Variants in ANKS1B observed in about 807,000 individuals in gnomAD.
ANKS1B encodes the protein ankyrin repeat and sterile alpha motif domain-containing protein 1B.
In ANKS1B, 36 loss-of-function variants were observed where a neutral mutation model predicts 148.3. That is an observed-to-expected ratio of 0.24 (90% CI 0.19 to 0.32). The LOEUF is 0.32. Ranked by LOEUF, ANKS1B falls within the 10% of genes least tolerant of loss-of-function variation. ANKS1B has a pLI of 1.00. For missense variants in ANKS1B, 1,157 were observed against 1,542.6 expected, an observed-to-expected ratio of 0.75 and a Z score of 4.19; for synonymous variants, 542 against 560.8, an observed-to-expected ratio of 0.97 and a Z score of 0.47.
intron 1 of ANKS1B, among the ~76,000 whole-genome samples, chr12:99,874,322 T>C (rs2091863077): frequency 6.6e-6 from 1 of 152,090 alleles, no homozygotes; most frequent in Admixed American, 6.6e-5. Flanking sequence ...TATATTGAGT[T>C]TACCATAATA....
intron 8 of ANKS1B, among the ~76,000 whole-genome samples, chr12:99,683,637 AC>A (rs1164532920): frequency 6.6e-6 from 1 of 152,168 alleles, no homozygotes; most frequent in Non-Finnish European, 1.5e-5. Context: ...AGCCAGTATC[AC>A]CCTAATACCA....
At chr12:98,938,814 G>A (rs2099827684) in intron 17 of ANKS1B, among the ~76,000 whole-genome samples, 2 of 152,218 alleles carry the variant, frequency 1.3e-5, no homozygotes, top group Non-Finnish European at 2.9e-5. Flanking sequence ...CTGAGCAGAG[G>A]ATGAAATTGG....
chr12:98,813,532 G>GTT (rs556740074), intron 19 of ANKS1B, among the ~76,000 whole-genome samples: 2 of 141,572 alleles, frequency 1.4e-5, no homozygotes, highest in Admixed American at 7.0e-5. Flanking sequence ...TTTAAGTTTT[G>GTT]TTTTTTTTTT....
intron 16 of ANKS1B, among the ~76,000 whole-genome samples, chr12:99,070,810 T>C (rs1408024538): frequency 1.3e-5 from 2 of 152,172 alleles, no homozygotes; most frequent in Non-Finnish European, 2.9e-5. Context: ...AGTATAGGTG[T>C]GTACCACCAT....
intron 16 of ANKS1B, among the ~76,000 whole-genome samples, chr12:99,068,943 C>G (rs1241772717): frequency 2.0e-5 from 3 of 152,210 alleles, no homozygotes; most frequent in Non-Finnish European, 4.4e-5. Flanking sequence ...TTTAGCTCTT[C>G]TCTCCTCTTG....
At chr12:99,420,119 C>T (rs2095038655) in intron 11 of ANKS1B, among the ~76,000 whole-genome samples, 1 of 152,174 alleles carries the variant, frequency 6.6e-6, no homozygotes, top group African/African-American at 2.4e-5. Context: ...CAAAGATACT[C>T]AGTAACTATT....
intron 17 of ANKS1B, among the ~76,000 whole-genome samples, chr12:98,875,642 T>C (rs2099687057): frequency 6.6e-6 from 1 of 152,162 alleles, no homozygotes; most frequent in Admixed American, 6.5e-5. Context: ...TTCTACTCTA[T>C]CTATAAATGG....
At chr12:99,916,755 G>A (rs1465857720) in intron 1 of ANKS1B, among the ~76,000 whole-genome samples, 3 of 152,144 alleles carry the variant, frequency 2.0e-5, no homozygotes, top group Non-Finnish European at 2.9e-5. Flanking sequence ...AGCTAAATAC[G>A]TTGGTGCAAG....
intron 17 of ANKS1B, among the ~76,000 whole-genome samples, chr12:98,915,620 T>C (rs1201630913): frequency 6.6e-6 from 1 of 152,188 alleles, no homozygotes; most frequent in East Asian, 1.9e-4. Flanking sequence ...CTCATAGTGC[T>C]GGGATTACAG....
intron 22 of ANKS1B, among the ~76,000 whole-genome samples, chr12:98,798,484 A>T (rs2098970994): frequency 6.8e-6 from 1 of 146,458 alleles, no homozygotes; most frequent in Admixed American, 6.8e-5. Flanking sequence ...AGTTGAATTT[A>T]AAAAAATAAA....
At chr12:99,016,547 T>G (rs992761877) in intron 17 of ANKS1B, among the ~76,000 whole-genome samples, 1 of 152,210 alleles carries the variant, frequency 6.6e-6, no homozygotes, top group East Asian at 1.9e-4. Flanking sequence ...TTTCAGCTAC[T>G]TGGGAGGCTG....
chr12:99,215,806 G>C (rs1228721666), intron 14 of ANKS1B, among the ~76,000 whole-genome samples: 1 of 152,182 alleles, frequency 6.6e-6, no homozygotes, highest in Non-Finnish European at 1.5e-5. Flanking sequence ...GAAGAGACTT[G>C]GCTTGTCTCA....
At chr12:99,931,276 G>A (rs1419126659) in intron 1 of ANKS1B, among the ~76,000 whole-genome samples, 1 of 151,960 alleles carries the variant, frequency 6.6e-6, no homozygotes, top group African/African-American at 2.4e-5. Context: ...CACCAACGTG[G>A]CACATGTATA....
intron 9 of ANKS1B, among the ~76,000 whole-genome samples, chr12:99,564,812 C>T (rs2097372324): frequency 1.3e-5 from 2 of 152,096 alleles, no homozygotes; most frequent in Non-Finnish European, 2.9e-5. Context: ...AAATTAATTA[C>T]ATTCATTACC....
At chr12:98,747,326 C>T (rs546101595) in intron 26 of ANKS1B, among the ~76,000 whole-genome samples, 4 of 152,304 alleles carry the variant, frequency 2.6e-5, no homozygotes, top group South Asian at 2.1e-4. Flanking sequence ...GACATACAAA[C>T]GGCCAACAGG....
At chr12:99,606,354 A>G (rs2097851526) in intron 9 of ANKS1B, among the ~76,000 whole-genome samples, 1 of 151,898 alleles carries the variant, frequency 6.6e-6, no homozygotes, top group African/African-American at 2.4e-5. Flanking sequence ...CCTCACAAAG[A>G]GTTGTTTCCT....
At chr12:99,245,516 G>A (rs2090094730) in intron 13 of ANKS1B, among the ~76,000 whole-genome samples, 1 of 152,206 alleles carries the variant, frequency 6.6e-6, no homozygotes, top group East Asian at 1.9e-4. Flanking sequence ...AACAGATGCA[G>A]AGATATTAAG....
chr12:99,550,306 C>G (rs1023505533), intron 9 of ANKS1B, among the ~76,000 whole-genome samples: 1 of 152,146 alleles, frequency 6.6e-6, no homozygotes, highest in African/African-American at 2.4e-5. Context: ...ATTCAAATTC[C>G]TACCTATCCC....
intron 8 of ANKS1B, among the ~76,000 whole-genome samples, chr12:99,770,856 T>C (rs1398418599): frequency 6.6e-6 from 1 of 152,146 alleles, no homozygotes; most frequent in South Asian, 2.1e-4. Flanking sequence ...ATCTTTAATA[T>C]TTTATAGGGA....
Sources: gnomAD v4.1 joint callset for allele counts (sites outside exome capture counted in the v4.1 genomes callset) on GRCh38, gnomAD v4.1.1 for gene constraint, MANE v1.5 for transcripts, NCBI Gene and HGNC (gene_info 2026-07-23, HGNC 2026-07-21) for gene names.